The following USP4 variants were observed in gnomAD, a reference collection of about 807,000 sequenced individuals.
USP4 encodes ubiquitin carboxyl-terminal hydrolase 4.
Under a neutral mutation model 118.2 loss-of-function variants are expected in USP4, and 72 were observed. That is an observed-to-expected ratio of 0.61 (90% CI 0.50 to 0.74). The LOEUF is 0.74. Ranked by LOEUF, USP4 falls within the 30% of genes least tolerant of loss-of-function variation. The pLI is 0.00. For synonymous variants in USP4, 415 were observed against 440.4 expected (o/e 0.94, Z 0.72); for missense variants, 1,037 against 1,185.7 (o/e 0.87, Z 1.84).
intron 2 of USP4, among the ~76,000 whole-genome samples, chr3:49,331,303 G>C (rs1184057243): frequency 7.1e-6 from 1 of 140,924 alleles, no homozygotes; most frequent in East Asian, 2.1e-4. Flanking sequence ...CTGGGCAAAA[G>C]AGCAAAACTC....
chr3:49,291,007 C>T (rs557309620), intron 15 of USP4, among the ~76,000 whole-genome samples: 3 of 151,106 alleles, frequency 2.0e-5, no homozygotes, highest in Admixed American at 6.6e-5. Flanking sequence ...CTCAATCTGT[C>T]GCCCAGGCTG....
chr3:49,278,224 A>C lies in USP4; in HGVS notation c.*69T>G. ...TTTAGACAGAACACTAGCAGTCTGC[A>C]GAGTGTCAAAGATGTTCTCCTGGGG... On this transcript the variant is annotated 3_prime_UTR_variant, in exon 22 of 22. Coordinates refer to ENST00000265560, the MANE Select transcript of USP4 (RefSeq NM_003363.4). 6.5e-7 allele frequency: 1 copy of C among 1,539,676 alleles called. No individual in the cohort carries two copies. The highest frequency in any genetic ancestry group is 8.8e-7 in the Non-Finnish European group (1 of 1,138,366).
chr3:49,291,672 G>GT (rs1559466730), intron 15 of USP4, among the ~76,000 whole-genome samples: 1 of 151,756 alleles, frequency 6.6e-6, no homozygotes, highest in Non-Finnish European at 1.5e-5. Context: ...ACTGAGTCAC[G>GT]TAAGTCCCAA....
chr3:49,277,162 C>G lies in USP4; in HGVS notation c.*1131G>C. 7.1e-7 allele frequency: 1 copy of G among 1,409,480 alleles called. No homozygotes were observed. Among genetic ancestry groups the G allele is most frequent in the Non-Finnish European group, 9.4e-7 (1 of 1,066,074 alleles). 87.3% of individuals were successfully genotyped at this position (1,409,480 alleles called of 1,614,324 possible). A position where few individuals can be genotyped will look rare whatever the true frequency, so the allele number is the denominator to read the frequency against. ...TACCGGCACCCCCCCTTTGGCGAGT[C>G]GGCAGCCACGTCCTTGTCCTCACCC... On this transcript the variant is annotated 3_prime_UTR_variant, in exon 22 of 22. Transcript: ENST00000265560.
chr3:49,292,411 T>G (rs1013238745), intron 15 of USP4, 99 bp downstream of exon 15: 1 of 746,926 alleles, frequency 1.3e-6, no homozygotes, highest in Non-Finnish European at 2.1e-6. Context: ...CCCAACCCAG[T>G]CCCAACCCCC....
At chr3:49,302,647 G>T in intron 9 of USP4, 105 bp from the exon 10 acceptor site, 3 of 1,130,928 alleles carry the variant, frequency 2.7e-6, no homozygotes, top group African/African-American at 1.6e-5. Context: ...CTGGGGCAGT[G>T]AGAGAGAACA....
intron 6 of USP4, among the ~76,000 whole-genome samples, chr3:49,320,319 G>A (rs750549562): frequency 6.6e-5 from 10 of 152,206 alleles, no homozygotes; most frequent in African/African-American, 1.2e-4. Context: ...GCGCATGCCT[G>A]TAATCCCAGC....
At chr3:49,337,938 C>T (rs1021476277) in intron 1 of USP4, among the ~76,000 whole-genome samples, 53 of 148,570 alleles carry the variant, frequency 3.6e-4, no homozygotes, top group Non-Finnish European at 8.9e-5. Flanking sequence ...CCCAGCTACT[C>T]GGGAGGCTGA....
intron 1 of USP4, 68 bp downstream of exon 1, chr3:49,339,856 G>T: frequency 7.4e-7 from 1 of 1,359,012 alleles, no homozygotes; most frequent in Non-Finnish European, 1.0e-6. Flanking sequence ...TACTCTAGCC[G>T]AGAAAAAGGA....
Position 49,339,926 on chromosome 3 carries a change from C to T in USP4, c.99G>A (p.Gln33=). The part of the protein sequence containing the change: ...LMRTTLQRGA[Q]WYLIDSRWFK... ...GGAAGAGCGAGCCGGGAGCTCACCA[C>T]TGCGCCCCGCGTTGGAGTGTGGTCC... The change falls in exon 1 of 22, where the codon CAG becomes CAA. Residue 33 remains glutamine (Q), a splice_region_variant and synonymous_variant. Coordinates refer to ENST00000265560, the MANE Select transcript of USP4 (RefSeq NM_003363.4). 6 of 1,612,472 alleles carry T rather than the reference C, an allele frequency of 3.7e-6. No individual in the cohort carries two copies. Among genetic ancestry groups the T allele is most frequent in the Non-Finnish European group, 5.1e-6 (6 of 1,179,450 alleles).
intron 21 of USP4, 137 bp from the exon 22 acceptor site, chr3:49,278,588 G>A: frequency 9.2e-7 from 1 of 1,088,282 alleles, no homozygotes; most frequent in South Asian, 1.5e-5. Flanking sequence ...GAGGATGGCT[G>A]CCCCTGCCAG....
At chr3:49,289,380 A>G (rs1014907283) in intron 15 of USP4, among the ~76,000 whole-genome samples, 3 of 152,184 alleles carry the variant, frequency 2.0e-5, no homozygotes, top group Admixed American at 6.6e-5. Context: ...AGAGGGATGA[A>G]GTGACTTGTT....
Position 49,277,185 on chromosome 3 carries a change from C to A in USP4, c.*1108G>T. ...GTCGGCAGCCACGTCCTTGTCCTCA[C>A]CCGCAGCGCAGTGACGCCGACCCAT... On this transcript the variant is annotated 3_prime_UTR_variant, in exon 22 of 22. Transcript: ENST00000265560. 7.3e-7 allele frequency: 1 copy of A among 1,372,598 alleles called. No individual in the cohort carries two copies. Among genetic ancestry groups the A allele is most frequent in the Non-Finnish European group, 9.6e-7 (1 of 1,042,600 alleles). The allele number at this position is 1,372,598 out of a possible 1,614,324, so 85.0% of individuals were successfully genotyped here.
At chr3:49,337,307 CATAT>C (rs969350975) in intron 1 of USP4, among the ~76,000 whole-genome samples, 11 of 151,990 alleles carry the variant, frequency 7.2e-5, no homozygotes, top group African/African-American at 2.7e-4. Context: ...CATGCGTGTA[CATAT>C]ATAAATATAC....
chr3:49,282,009 CA>C (rs1252290929), intron 19 of USP4, among the ~76,000 whole-genome samples: 4 of 144,270 alleles, frequency 2.8e-5, no homozygotes, highest in African/African-American at 1.0e-4. Context: ...GACACGGTCT[CA>C]AAAAAAAACA....
At position 49,286,202 on chromosome 3, in the gene USP4, C is replaced by G. The variant is rs144324033; in HGVS notation, c.2096G>C (p.Gly699Ala). 3.3e-5 allele frequency: 53 copies of G among 1,614,084 alleles called. No homozygotes were observed. In the East Asian group the frequency reaches 1.1e-3, roughly 35 times the overall value. Residue 699 changes from glycine to alanine, a missense_variant, in exon 16 of 22, where the codon GGC becomes GCC. Transcript: ENST00000265560. ...PSETTQKKIK[G>A]QPCPKRLFTF... ...AAAAAGCCTTTTTGGGCAGGGCTGG[C>G]CTTTGATCTTCTTTTGGGTGGTCTC...
Position 49,324,703 on chromosome 3 carries a change from T to C in USP4, c.694A>G (p.Lys232Glu). 1 of 1,614,150 alleles carries C rather than the reference T, an allele frequency of 6.2e-7. No individual in the cohort carries two copies. The highest frequency in any genetic ancestry group is 2.2e-5 in the East Asian group (1 of 44,894). The change falls in exon 6 of 22, where the codon AAA becomes GAA. Residue 232 changes from lysine (K) to glutamate (E), a missense_variant and splice_region_variant. Transcript: ENST00000265560. ...ACAAGGGAGAAAAAATTCACTTACT[T>C]TGACTGCAAGGTCTGCCTGGGCCAT... ...GTWPRQTLQS[K>E]SSTAPSRNFT...
At chr3:49,302,036 G>A (rs949300777) in intron 10 of USP4, among the ~76,000 whole-genome samples, 3 of 151,880 alleles carry the variant, frequency 2.0e-5, no homozygotes, top group Non-Finnish European at 4.4e-5. Flanking sequence ...ACTCTAATTT[G>A]AAAAAGCCCA....
Position 49,284,559 on chromosome 3 carries a change from A to C in USP4, c.2297T>G (p.Leu766Trp). 1 of 1,614,138 alleles carries C rather than the reference A, an allele frequency of 6.2e-7. No homozygotes were observed. Among genetic ancestry groups the C allele is most frequent in the Non-Finnish European group, 8.5e-7 (1 of 1,180,028 alleles). ...SEAYEKHVSMLQPQKKKKTTV... is the reference protein window; with the variant it reads ...SEAYEKHVSMWQPQKKKKTTV... ...GGTCTTCTTCTTCTTCTGAGGCTGCAACATGCTCACATGCTTCTCGTAGGC... is the reference window on the plus strand; with the variant it reads ...GGTCTTCTTCTTCTTCTGAGGCTGCCACATGCTCACATGCTTCTCGTAGGC... The change falls in exon 18 of 22, where the codon TTG becomes TGG. Residue 766 changes from leucine (L) to tryptophan (W), a missense_variant. By Grantham distance (61) the Leu-to-Trp change is moderately conservative. Transcript: ENST00000265560.
Sources: allele counts gnomAD v4.1 joint callset (sites outside exome capture counted in the v4.1 genomes callset), GRCh38; gene constraint gnomAD v4.1.1; transcripts MANE v1.5; gene names NCBI Gene and HGNC (gene_info 2026-07-23, HGNC 2026-07-21).